The following SPG11 variants were observed in gnomAD, a reference collection of about 807,000 sequenced individuals.
The protein encoded by SPG11 is SPG11 vesicle trafficking associated, spatacsin, also known as spatacsin.
A neutral mutation model predicts 274.0 loss-of-function variants in SPG11; 222 were observed. The ratio of observed to expected loss-of-function variants is 0.81; its 90% CI spans 0.73 to 0.91. The LOEUF (loss-of-function observed/expected upper bound fraction) is 0.91, where lower values mean the gene tolerates loss of function less well. SPG11 is among the 40% of genes least tolerant of loss of function. SPG11 has a pLI of 0.00. For missense variants in SPG11, 3,114 were observed against 2,872.7 expected, an observed-to-expected ratio of 1.08 and a Z score of -1.92; for synonymous variants, 1,144 against 1,039.7, an observed-to-expected ratio of 1.10 and a Z score of -1.93.
rs1313372102 is a variant in SPG11, at chr15:44,621,845, T to C, written c.2534A>G (p.Gln845Arg). 2 of 1,613,884 alleles carry C rather than the reference T, an allele frequency of 1.2e-6. No homozygotes were observed. Among genetic ancestry groups the C allele is most frequent in the Admixed American group, 1.7e-5 (1 of 60,024 alleles). ...KYDCKDEFNK[Q>R]DHRIVLNWAL... Reference sequence around the variant, plus strand: ...CCAATTTAACACAATTCTATGGTCCTGTTTGTTAAATTCATCTTTACAATC... The same window carrying C: ...CCAATTTAACACAATTCTATGGTCCCGTTTGTTAAATTCATCTTTACAATC... The change falls in exon 14 of 40, where the codon CAG becomes CGG. Residue 845 changes from glutamine (Q) to arginine (R), a missense_variant. Transcript: ENST00000261866.
chr15:44,663,419 G>A lies in SPG11; in HGVS notation c.229C>T (p.Arg77Cys). The A allele has an allele frequency of 1.9e-6, 3 of 1,606,310 alleles. No homozygotes were observed. Among genetic ancestry groups the A allele is most frequent in the South Asian group, 2.2e-5 (2 of 89,926 alleles). ...SLTPGSRGGG[R>C]CCLEGPFWHF... Reference sequence around the variant, plus strand: ...CAGAAGGGGCCCTCCAGGCAGCAGCGACCCCCGCCCCGGCTGCCAGGCGTC... The same window carrying A: ...CAGAAGGGGCCCTCCAGGCAGCAGCAACCCCCGCCCCGGCTGCCAGGCGTC... The change falls in exon 1 of 40, where the codon CGC becomes TGC. Residue 77 changes from arginine (R) to cysteine (C), a missense_variant. Physicochemically the swap from Arg to Cys is radical, Grantham distance 180. Coordinates refer to ENST00000261866, the MANE Select transcript of SPG11 (RefSeq NM_025137.4).
intron 22 of SPG11, 110 bp from the exon 23 acceptor site, chr15:44,598,483 C>G: frequency 7.9e-7 from 1 of 1,268,764 alleles, no homozygotes; most frequent in Admixed American, 1.8e-5. Context: ...TTAAAGTGCC[C>G]AAGAAAGTGA....
intron 17 of SPG11, among the ~76,000 whole-genome samples, chr15:44,611,542 A>C (rs1381455761): frequency 6.6e-6 from 1 of 151,990 alleles, no homozygotes; most frequent in African/African-American, 2.4e-5. Context: ...AAATTGTACA[A>C]CTCCCTTGGA....
chr15:44,580,551 G>A (rs532065760), intron 30 of SPG11, among the ~76,000 whole-genome samples: 1 of 152,336 alleles, frequency 6.6e-6, no homozygotes, highest in South Asian at 2.1e-4. Context: ...GGCCGACGCG[G>A]GCAGATCACG....
chr15:44,653,384 G>T (rs994158597), intron 4 of SPG11, among the ~76,000 whole-genome samples: 11 of 152,142 alleles, frequency 7.2e-5, no homozygotes, highest in African/African-American at 2.7e-4. Context: ...AAAGAAGTTA[G>T]AGAAGGTAGG....
intron 20 of SPG11, among the ~76,000 whole-genome samples, chr15:44,602,681 A>G (rs2140987273): frequency 6.6e-6 from 1 of 152,002 alleles, no homozygotes; most frequent in South Asian, 2.1e-4. Flanking sequence ...ACAGGGTTTC[A>G]CCGTGTTAGC....
Position 44,567,410 on chromosome 15 carries a change from G to C in SPG11, c.6754+14C>G. 6.2e-7 allele frequency: 1 copy of C among 1,609,208 alleles called. No homozygotes were observed. The highest frequency in any genetic ancestry group is 8.5e-7 in the Non-Finnish European group (1 of 1,176,498). ...GCAGCACTGTTCTGGTAGTGTGGCTGTGACCTCACTCACCCCAGGGCTGAG... is the reference window on the plus strand; with the variant it reads ...GCAGCACTGTTCTGGTAGTGTGGCTCTGACCTCACTCACCCCAGGGCTGAG... On this transcript the variant is annotated intron_variant, in intron 36 of 39. Coordinates refer to ENST00000261866, the MANE Select transcript of SPG11 (RefSeq NM_025137.4).
At chr15:44,579,526 C>CAA (rs954664107) in intron 30 of SPG11, among the ~76,000 whole-genome samples, 552 of 49,920 alleles carry the variant, frequency 0.011, 1 homozygote, top group Middle Eastern at 0.022. Flanking sequence ...GACTCCGTCT[C>CAA]AAAAAAAAAA....
At chr15:44,577,837 TG>T (rs1346829879) in intron 30 of SPG11, among the ~76,000 whole-genome samples, 1 of 151,998 alleles carries the variant, frequency 6.6e-6, no homozygotes, top group African/African-American at 2.4e-5. Flanking sequence ...TGAGGTGAAG[TG>T]TGAGTGCGAG....
chr15:44,626,829 A>C lies in SPG11; in HGVS notation c.2068-322T>G, dbSNP rs1359522629. Among the ~76,000 whole-genome samples the C allele has an allele frequency of 2.6e-5, 4 of 151,010 alleles. 1 individual carries two copies. The highest frequency in any genetic ancestry group is 2.6e-4 in the Admixed American group (4 of 15,136). On this transcript the variant is annotated intron_variant, in intron 10 of 39. Coordinates refer to ENST00000261866, the MANE Select transcript of SPG11 (RefSeq NM_025137.4). ...CACCCCCACCCCCGTGTCCCCCCAC[A>C]TAGGCTTGCTAGTAGAAGTAACTAG...
intron 19 of SPG11, 21 bp downstream of exon 19, chr15:44,608,423 T>TGGCCACCTAAATAC (rs751949127): frequency 8.1e-6 from 13 of 1,613,142 alleles, no homozygotes; most frequent in Non-Finnish European, 1.1e-5. Context: ...GACCTAAATA[T>TGGCCACCTAAATAC]TGGCCACCTA....
chr15:44,654,531 C>T (rs115573077), intron 4 of SPG11, among the ~76,000 whole-genome samples: 4,892 of 151,500 alleles, frequency 0.032, 287 homozygotes, highest in African/African-American at 0.11. Context: ...AAGAAACCCA[C>T]AAACTTATTA....
chr15:44,569,474 T>C lies in SPG11; in HGVS notation c.6509A>G (p.Asn2170Ser). The C allele has an allele frequency of 6.2e-7, 1 of 1,601,254 alleles. No individual in the cohort carries two copies. ...VRLLTGIGRY[N>S]EMTYIFDLLH... is the part of the protein sequence containing the mutation. ...CAAATCAAATATGTATGTCATCTCG[T>C]TGTACCTTCCAATGCCAGTGAGGAG... Residue 2170 changes from asparagine to serine, a missense_variant, in exon 35 of 40, where the codon AAC becomes AGC. Asn to Ser is a conservative substitution (Grantham distance 46, BLOSUM62 1). Transcript: ENST00000261866.
At chr15:44,630,782 G>A (rs147374535) in intron 8 of SPG11, among the ~76,000 whole-genome samples, 3,364 of 152,182 alleles carry the variant, frequency 0.022, 142 homozygotes, top group African/African-American at 0.077. Context: ...GTTTCACCAC[G>A]TTGGTCAGGC....
intron 17 of SPG11, among the ~76,000 whole-genome samples, chr15:44,613,207 C>T (rs1279654356): frequency 1.3e-5 from 2 of 152,192 alleles, no homozygotes; most frequent in Non-Finnish European, 2.9e-5. Context: ...GGGGACAAAA[C>T]CACAGAAGCT....
In SPG11 at chr15:44,562,928, T is replaced by TA; in HGVS notation, c.*192dup. Reference sequence around the variant, plus strand: ...AAAATGGTGTGGATGAACAATCATCTAAAATCAATCTATTTTAAATAGGAA... The same window carrying TA: ...AAAATGGTGTGGATGAACAATCATCTAAAAATCAATCTATTTTAAATAGGAA... On this transcript the variant is annotated 3_prime_UTR_variant, in exon 40 of 40. Transcript: ENST00000261866. 6.8e-6 allele frequency: 4 copies of TA among 588,366 alleles called. No homozygotes were observed. In the Admixed American group the frequency reaches 1.2e-4, roughly 18 times the overall value. 36.4% of individuals were successfully genotyped at this position (588,366 alleles called of 1,614,324 possible). A position where few individuals can be genotyped will look rare whatever the true frequency, so the allele number is the denominator to read the frequency against.
intron 15 of SPG11, among the ~76,000 whole-genome samples, chr15:44,617,391 G>A (rs368791561): frequency 6.6e-6 from 1 of 152,176 alleles, no homozygotes; most frequent in Non-Finnish European, 1.5e-5. Context: ...TTGATGTAAT[G>A]TACAACACAA....
intron 10 of SPG11, among the ~76,000 whole-genome samples, chr15:44,627,509 G>C (rs762203060): frequency 3.9e-5 from 6 of 151,922 alleles, no homozygotes; most frequent in African/African-American, 4.8e-5. Flanking sequence ...GAGCCTTGCA[G>C]AACATTAAAG....
intron 4 of SPG11, 39 bp from the exon 5 acceptor site, chr15:44,652,305 T>C: frequency 1.2e-6 from 2 of 1,610,700 alleles, no homozygotes; most frequent in Non-Finnish European, 1.7e-6. Context: ...GAAAAAATGA[T>C]GATCAAACCC....
Sources: allele counts gnomAD v4.1 joint callset (sites outside exome capture counted in the v4.1 genomes callset), GRCh38; gene constraint gnomAD v4.1.1; transcripts MANE v1.5; gene names NCBI Gene and HGNC (gene_info 2026-07-23, HGNC 2026-07-21).